Variants in THADA observed in about 807,000 individuals in gnomAD.
The protein encoded by THADA is THADA armadillo repeat containing, also known as tRNA (32-2'-O)-methyltransferase regulator THADA.
In THADA, 213 loss-of-function variants were observed where a neutral mutation model predicts 219.8. That is an observed-to-expected ratio of 0.97 (90% CI 0.87 to 1.09). The LOEUF (loss-of-function observed/expected upper bound fraction) is 1.09. Ranked by LOEUF, THADA falls within the 50% of genes least tolerant of loss-of-function variation. THADA has a pLI of 0.00. For missense variants in THADA, 2,956 were observed against 2,311.3 expected, an observed-to-expected ratio of 1.28 and a Z score of -5.72; for synonymous variants, 1,018 against 828.9, an observed-to-expected ratio of 1.23 and a Z score of -3.92.
intron 29 of THADA, among the ~76,000 whole-genome samples, chr2:43,395,108 G>A (rs1246485901): frequency 3.9e-5 from 6 of 152,198 alleles, no homozygotes; most frequent in African/African-American, 1.4e-4. Flanking sequence ...AGGCTGGGAG[G>A]CTCATTTGCA....
At chr2:43,440,842 C>T (rs1680758611) in intron 26 of THADA, among the ~76,000 whole-genome samples, 1 of 152,140 alleles carries the variant, frequency 6.6e-6, no homozygotes, top group Admixed American at 6.5e-5. Flanking sequence ...CATAATACCA[C>T]TCTGAGAAAA....
chr2:43,362,353 C>G (rs777275044), intron 29 of THADA, among the ~76,000 whole-genome samples: 1 of 152,090 alleles, frequency 6.6e-6, no homozygotes, highest in Non-Finnish European at 1.5e-5. Context: ...AATACACAGT[C>G]ACATATTATT....
chr2:43,355,057 C>T lies in THADA; in HGVS notation c.4228-10820G>A, dbSNP rs62137416. On this transcript the variant is annotated intron_variant, in intron 29 of 37. Coordinates refer to ENST00000405975, the MANE Select transcript of THADA (RefSeq NM_022065.5). Reference sequence around the variant, plus strand: ...AACTGTGAGTCAGTTAAACCTCTTTCCTTTAAAATTACCCAGTCCTGGGTA... The same window carrying T: ...AACTGTGAGTCAGTTAAACCTCTTTTCTTTAAAATTACCCAGTCCTGGGTA... 2.5e-3 allele frequency among the ~76,000 whole-genome samples: 380 copies of T among 152,268 alleles called. 2 individuals carry two copies. Among genetic ancestry groups the T allele is most frequent in the Non-Finnish European group, 4.4e-3 (299 of 68,016 alleles).
chr2:43,312,790 A>C (rs1387603406), intron 31 of THADA, among the ~76,000 whole-genome samples: 1 of 151,282 alleles, frequency 6.6e-6, no homozygotes, highest in Non-Finnish European at 1.5e-5. Flanking sequence ...TCCCCAGAAG[A>C]CTCTAAAAAT....
At chr2:43,468,959 T>G (rs890327237) in intron 26 of THADA, among the ~76,000 whole-genome samples, 13 of 152,206 alleles carry the variant, frequency 8.5e-5, no homozygotes, top group African/African-American at 3.1e-4. Context: ...TAGGTCTCCC[T>G]ATCTCAAGAT....
intron 29 of THADA, among the ~76,000 whole-genome samples, chr2:43,359,548 C>T (rs776306796): frequency 6.6e-5 from 10 of 152,158 alleles, no homozygotes; most frequent in Admixed American, 1.3e-4. Context: ...GGCATGCTGG[C>T]GGGTGCCTGT....
At chr2:43,590,521 A>C (rs1342087946) in intron 4 of THADA, among the ~76,000 whole-genome samples, 1 of 151,946 alleles carries the variant, frequency 6.6e-6, no homozygotes, top group Non-Finnish European at 1.5e-5. Context: ...CTAAAAACAC[A>C]AAAAATTAGC....
intron 25 of THADA, among the ~76,000 whole-genome samples, chr2:43,487,817 A>T (rs1356980226): frequency 6.6e-6 from 1 of 152,152 alleles, no homozygotes; most frequent in Non-Finnish European, 1.5e-5. Context: ...CACCATATTG[A>T]TCTTGGACTT....
intron 26 of THADA, among the ~76,000 whole-genome samples, chr2:43,480,276 T>C (rs1686031890): frequency 6.6e-6 from 1 of 152,200 alleles, no homozygotes; most frequent in Admixed American, 6.5e-5. Context: ...ATAAAGGGTC[T>C]GGCATGGCCC....
chr2:43,297,815 G>T (rs113463879), intron 31 of THADA, among the ~76,000 whole-genome samples: 100 of 110,738 alleles, frequency 9.0e-4, no homozygotes, highest in African/African-American at 1.2e-3. Flanking sequence ...CCGTCCGGGA[G>T]GGAGGTGGGG....
intron 20 of THADA, among the ~76,000 whole-genome samples, chr2:43,545,692 T>C (rs987766396): frequency 3.9e-5 from 6 of 151,974 alleles, no homozygotes; most frequent in Non-Finnish European, 5.9e-5. Flanking sequence ...TGATGGTAGT[T>C]TGTATTTCTG....
intron 29 of THADA, among the ~76,000 whole-genome samples, chr2:43,373,521 G>C (rs1671036826): frequency 6.6e-6 from 1 of 151,790 alleles, no homozygotes; most frequent in Non-Finnish European, 1.5e-5. Context: ...TGTCTCCCAG[G>C]CTTGGAGTAC....
intron 16 of THADA, among the ~76,000 whole-genome samples, chr2:43,557,809 G>T (rs1483464038): frequency 6.6e-6 from 1 of 152,178 alleles, no homozygotes. Flanking sequence ...ACTCAATTTT[G>T]AAGTTGATTA....
intron 31 of THADA, among the ~76,000 whole-genome samples, chr2:43,308,656 C>G (rs1338755648): frequency 6.6e-6 from 1 of 150,576 alleles, no homozygotes; most frequent in Non-Finnish European, 1.5e-5. Context: ...GAGCCATGAT[C>G]TCGCCATTGC....
chr2:43,231,443 C>G (rs1191690348), intron 37 of THADA, 100 bp from the exon 38 acceptor site: 5 of 1,246,264 alleles, frequency 4.0e-6, no homozygotes, highest in Non-Finnish European at 5.4e-6. Flanking sequence ...AGGGGTTTCC[C>G]TTCCCCCACC....
chr2:43,295,918 G>GTTTTTTT (rs35182242), intron 31 of THADA, among the ~76,000 whole-genome samples: 1 of 128,368 alleles, frequency 7.8e-6, no homozygotes, highest in Non-Finnish European at 1.6e-5. Flanking sequence ...AACCTCTACT[G>GTTTTTTT]TTTTTTTTTT....
intron 29 of THADA, among the ~76,000 whole-genome samples, chr2:43,347,715 T>C (rs1241760009): frequency 6.6e-6 from 1 of 152,172 alleles, no homozygotes; most frequent in African/African-American, 2.4e-5. Flanking sequence ...CTAAATCTAA[T>C]GGTTCTAAAA....
At position 43,286,896 on chromosome 2, in the gene THADA, C is replaced by T. The variant is rs369873986; in HGVS notation, c.5164+12G>A. The T allele has an allele frequency of 1.9e-5, 31 of 1,606,272 alleles. No individual in the cohort carries two copies. The highest frequency in any genetic ancestry group is 1.8e-4 in the East Asian group (8 of 44,660). ...AGTTTGGTACAACAGACTTCCGTCT[C>T]GGCGCACTTACCAAGAATAGGATGG... On this transcript the variant is annotated intron_variant, in intron 35 of 37. Coordinates refer to ENST00000405975, the MANE Select transcript of THADA (RefSeq NM_022065.5).
intron 26 of THADA, among the ~76,000 whole-genome samples, chr2:43,451,891 G>A (rs934246371): frequency 1.3e-5 from 2 of 152,208 alleles, no homozygotes; most frequent in Non-Finnish European, 2.9e-5. Context: ...TCAATCACCT[G>A]AGGTCAGGGG....
Sources: allele counts gnomAD v4.1 joint callset (sites outside exome capture counted in the v4.1 genomes callset), GRCh38; gene constraint gnomAD v4.1.1; transcripts MANE v1.5; gene names NCBI Gene and HGNC (gene_info 2026-07-23, HGNC 2026-07-21).